The following ATF7 variants were observed in gnomAD, a reference collection of about 807,000 sequenced individuals.
The protein encoded by ATF7 is cyclic AMP-dependent transcription factor ATF-7.
A neutral mutation model predicts 50.4 loss-of-function variants in ATF7; 10 were observed. The observed-to-expected ratio is 0.20, with a 90% CI of 0.12 to 0.34. The LOEUF is 0.34. ATF7 is among the 10% of genes least tolerant of loss of function. ATF7 has a pLI of 1.00. For missense variants in ATF7, 465 were observed against 613.9 expected (o/e 0.76, Z 2.56); for synonymous variants, 201 against 226.4 (o/e 0.89, Z 1.01).
chr12:53,529,704 T>TACACACACACACACACACACAC (rs1310811632), intron 9 of ATF7, among the ~76,000 whole-genome samples: 2 of 73,350 alleles, frequency 2.7e-5, no homozygotes, highest in African/African-American at 9.5e-5. Flanking sequence ...CATATATATA[T>TACACACACACACACACACACAC]ACACATACAC....
intron 1 of ATF7, among the ~76,000 whole-genome samples, chr12:53,617,774 C>T (rs981929955): frequency 6.6e-6 from 1 of 152,020 alleles, no homozygotes; most frequent in Non-Finnish European, 1.5e-5. Flanking sequence ...TACAACCTTT[C>T]CTGAATTGTA....
At chr12:53,531,989 A>G in intron 8 of ATF7, 93 bp from the exon 9 acceptor site, 1 of 1,419,772 alleles carries the variant, frequency 7.0e-7, no homozygotes, top group East Asian at 2.3e-5. Context: ...GACCTTATAG[A>G]TAGCTAAAAT....
chr12:53,532,954 G>A (rs1452208385), intron 7 of ATF7, among the ~76,000 whole-genome samples: 1 of 152,190 alleles, frequency 6.6e-6, no homozygotes, highest in Admixed American at 6.5e-5. Flanking sequence ...TAGACCAGGA[G>A]CCAATTGTCC....
chr12:53,613,882 T>C (rs1944000836), intron 1 of ATF7, among the ~76,000 whole-genome samples: 1 of 148,472 alleles, frequency 6.7e-6, no homozygotes. Flanking sequence ...AAGTTTGAGA[T>C]CCACTGCTTT....
chr12:53,581,692 G>A (rs1223030317), intron 2 of ATF7, among the ~76,000 whole-genome samples: 1 of 152,026 alleles, frequency 6.6e-6, no homozygotes, highest in East Asian at 1.9e-4. Context: ...ACAGTGATTA[G>A]TGGGAAACTG....
At chr12:53,550,747 A>G (rs939463553) in intron 3 of ATF7, among the ~76,000 whole-genome samples, 1 of 152,234 alleles carries the variant, frequency 6.6e-6, no homozygotes, top group African/African-American at 2.4e-5. Context: ...CATATGACAC[A>G]CCAGGTCTTA....
intron 2 of ATF7, among the ~76,000 whole-genome samples, chr12:53,581,462 A>T (rs1942422405): frequency 6.6e-6 from 1 of 152,212 alleles, no homozygotes; most frequent in Admixed American, 6.5e-5. Context: ...ACACACCTTA[A>T]CAAGTTTAAA....
intron 2 of ATF7, among the ~76,000 whole-genome samples, chr12:53,587,381 A>AAAAAAAAAAAAAAAAAAAAAAAAAAAG: frequency 6.7e-6 from 1 of 148,216 alleles, no homozygotes; most frequent in African/African-American, 2.5e-5. Flanking sequence ...AAAAAAAAAA[A>AAAAAAAAAAAAAAAAAAAAAAAAAAAG]AAGAAGGAAA....
At chr12:53,625,473 C>G in intron 1 of ATF7, among the ~76,000 whole-genome samples, 1 of 152,194 alleles carries the variant, frequency 6.6e-6, no homozygotes, top group East Asian at 1.9e-4. Context: ...TTCCCAAACA[C>G]CTCTTATCGC....
intron 2 of ATF7, among the ~76,000 whole-genome samples, chr12:53,554,732 G>A (rs1197889992): frequency 6.7e-6 from 1 of 150,146 alleles, no homozygotes; most frequent in Non-Finnish European, 1.5e-5. Flanking sequence ...GCATGGTGGC[G>A]GGTGCTTGTA....
intron 1 of ATF7, among the ~76,000 whole-genome samples, chr12:53,619,577 C>T (rs112897983): frequency 0.016 from 2,353 of 151,720 alleles, 49 homozygotes; most frequent in African/African-American, 0.045. Context: ...CTTTGGGAGG[C>T]CAAAGCAGGC....
intron 2 of ATF7, among the ~76,000 whole-genome samples, chr12:53,587,843 A>ATATATATATATATATATATGTATATTT: frequency 3.2e-5 from 2 of 61,568 alleles, no homozygotes; most frequent in African/African-American, 1.0e-4. Context: ...ATATATATAT[A>ATATATATATATATATATATGTATATTT]TTTTTTTTTT....
At chr12:53,570,217 C>T (rs965938539) in intron 2 of ATF7, among the ~76,000 whole-genome samples, 1 of 152,000 alleles carries the variant, frequency 6.6e-6, no homozygotes, top group Non-Finnish European at 1.5e-5. Context: ...TTTTTGATTA[C>T]GGTCTAAAAT....
At chr12:53,600,782 G>A (rs940277042) in intron 2 of ATF7, 171 bp downstream of exon 2, 12 of 581,392 alleles carry the variant, frequency 2.1e-5, no homozygotes, top group South Asian at 2.2e-5. Context: ...ATTTCATTAC[G>A]GTAGAGTGCC....
intron 2 of ATF7, chr12:53,575,615 C>T (rs888374749): frequency 3.3e-5 from 5 of 151,136 alleles, no homozygotes; most frequent in African/African-American, 1.2e-4. Flanking sequence ...AAAAAGCACA[C>T]TCCAAGCATT....
intron 1 of ATF7, among the ~76,000 whole-genome samples, chr12:53,608,750 TACC>T (rs1943720107): frequency 6.6e-6 from 1 of 152,170 alleles, no homozygotes; most frequent in South Asian, 2.1e-4. Flanking sequence ...CAACTTCAGT[TACC>T]ACGTTTCAGA....
At chr12:53,534,101 C>A (rs1939071785) in intron 6 of ATF7, among the ~76,000 whole-genome samples, 2 of 152,140 alleles carry the variant, frequency 1.3e-5, no homozygotes, top group African/African-American at 4.8e-5. Flanking sequence ...CACGGTGAAA[C>A]CCCGTCTCTA....
chr12:53,626,044 T>C, intron 1 of ATF7: 1 of 152,300 alleles, frequency 6.6e-6, no homozygotes, highest in East Asian at 1.9e-4. Context: ...CTCGGCAACG[T>C]AAAAGCGATC....
chr12:53,616,254 A>G (rs1944111833), intron 1 of ATF7, among the ~76,000 whole-genome samples: 1 of 151,918 alleles, frequency 6.6e-6, no homozygotes, highest in African/African-American at 2.4e-5. Flanking sequence ...CCAGGGTCTC[A>G]CTCTGTTACC....
Sources: allele counts gnomAD v4.1 joint callset (sites outside exome capture counted in the v4.1 genomes callset), GRCh38; gene constraint gnomAD v4.1.1; transcripts MANE v1.5; gene names NCBI Gene and HGNC (gene_info 2026-07-23, HGNC 2026-07-21).